Variants in DHPS observed in about 807,000 individuals in gnomAD.
DHPS encodes deoxyhypusine synthase.
A neutral mutation model predicts 38.7 loss-of-function variants in DHPS; 24 were observed. The observed-to-expected ratio is 0.62, with a 90% CI of 0.45 to 0.87. The LOEUF (loss-of-function observed/expected upper bound fraction) is 0.87. Ranked by LOEUF, DHPS falls within the 40% of genes least tolerant of loss-of-function variation. The probability of loss-of-function intolerance (pLI) is 0.00; values close to 1 mark genes in which losing one functional copy is unlikely to be tolerated. For missense variants in DHPS, 510 were observed against 497.6 expected (o/e 1.02, Z -0.24); for synonymous variants, 250 against 204.4 (o/e 1.22, Z -1.90).
chr19:12,679,963 C>T, intron 2 of DHPS, 41 bp from the exon 3 acceptor site: 2 of 1,591,492 alleles, frequency 1.3e-6, no homozygotes, highest in South Asian at 2.3e-5. Context: ...AGAAGGAAGC[C>T]CCTGCCCTCA....
chr19:12,676,125 G>A lies in DHPS; in HGVS notation c.906C>T (p.Tyr302=), dbSNP rs542424645. The change falls in exon 8 of 9, where the codon TAC becomes TAT. Residue 302 remains tyrosine (Y), a synonymous_variant. Coordinates refer to ENST00000210060, the MANE Select transcript of DHPS (RefSeq NM_001930.4). ...NANLMRNGAD[Y]AVYINTAQEF... Reference sequence around the variant, plus strand: ...CCTGGGCTGTGTTGATGTAAACAGCGTAGTCGGCCCCGTTCCGCTGTGGGG... The same window carrying A: ...CCTGGGCTGTGTTGATGTAAACAGCATAGTCGGCCCCGTTCCGCTGTGGGG... The A allele has an allele frequency of 1.0e-4, 162 of 1,612,518 alleles. 2 individuals carry two copies. The highest frequency in any genetic ancestry group is 6.2e-4 in the South Asian group (56 of 91,002).
Position 12,675,897 on chromosome 19 carries a change from C to A in DHPS, c.1051G>T (p.Val351Leu). The A allele has an allele frequency of 6.2e-7, 1 of 1,610,220 alleles. No individual in the cohort carries two copies. Among genetic ancestry groups the A allele is most frequent in the Non-Finnish European group, 8.5e-7 (1 of 1,178,128 alleles). The change falls in exon 9 of 9, where the codon GTG (valine) becomes TTG (leucine). Residue 351 changes from valine to leucine, a missense_variant. Val to Leu is a conservative substitution (Grantham distance 32, BLOSUM62 1). Coordinates refer to ENST00000210060, the MANE Select transcript of DHPS (RefSeq NM_001930.4). ...ATCTTCTGGGCAAAGGTTTCAGCCA[C>A]AAGCAGGGGGAAGACCAGGGAGGCG... The part of the protein sequence containing the change: ...ADASLVFPLL[V>L]AETFAQKMDA...
chr19:12,679,225 G>A (rs1218627237), intron 5 of DHPS, among the ~76,000 whole-genome samples: 1 of 152,034 alleles, frequency 6.6e-6, no homozygotes, highest in Admixed American at 6.6e-5. Context: ...TTGGCCCCAG[G>A]AGGTTGAGGC....
chr19:12,680,010 G>A (rs2024745747), intron 2 of DHPS, 88 bp from the exon 3 acceptor site: 6 of 1,561,344 alleles, frequency 3.8e-6, no homozygotes, highest in East Asian at 2.3e-5. Context: ...CTTGTCCAGT[G>A]ACTCTTATGA....
Position 12,679,937 on chromosome 19 carries a change from C to CAGTG in DHPS, c.373-19_373-16dup. On this transcript the variant is annotated splice_polypyrimidine_tract_variant and intron_variant, in intron 2 of 8. Coordinates refer to ENST00000210060, the MANE Select transcript of DHPS (RefSeq NM_001930.4). ...AATACGTCCACCTGCAGCCACAAGG[C>CAGTG]AGTGAATTTGGCCCAAGAAGGAAGC... 5 of 1,606,960 alleles carry CAGTG rather than the reference C, an allele frequency of 3.1e-6. No individual in the cohort carries two copies. Among genetic ancestry groups the CAGTG allele is most frequent in the Non-Finnish European group, 4.3e-6 (5 of 1,176,142 alleles).
downstream of DHPS, chr19:12,672,589 CAA>C (rs2024455336): frequency 2.0e-6 from 1 of 508,342 alleles, no homozygotes; most frequent in Non-Finnish European, 3.6e-6. Context: ...GCCTGAGCAA[CAA>C]GAGCAAAACT....
downstream of DHPS, chr19:12,673,107 T>C: frequency 6.2e-7 from 1 of 1,612,884 alleles, no homozygotes; most frequent in Non-Finnish European, 8.5e-7. Flanking sequence ...ACAGGGGAGC[T>C]GCTGGGCGAG....
chr19:12,675,200 G>C (rs772894896), downstream of DHPS, among the ~76,000 whole-genome samples: 1 of 152,192 alleles, frequency 6.6e-6, no homozygotes, highest in Non-Finnish European at 1.5e-5. Context: ...GCCAAGGCAG[G>C]AGGATCACTT....
downstream of DHPS, chr19:12,675,617 G>A (rs1170081176): frequency 6.2e-7 from 1 of 1,603,758 alleles, no homozygotes; most frequent in East Asian, 2.2e-5. Flanking sequence ...GCCATGGGAG[G>A]CAGCGTCCAG....
At chr19:12,679,351 G>T in intron 5 of DHPS, 106 bp downstream of exon 5, 1 of 1,085,320 alleles carries the variant, frequency 9.2e-7, no homozygotes, top group Non-Finnish European at 1.4e-6. Flanking sequence ...TCATCTAAGA[G>T]TGAGGATGCT....
chr19:12,677,431 CAG>C, intron 5 of DHPS, 35 bp from the exon 6 acceptor site: 1 of 1,574,602 alleles, frequency 6.4e-7, no homozygotes, highest in Non-Finnish European at 8.7e-7. Context: ...GGCTGGAGCT[CAG>C]AGCCTCGTCT....
rs1416537686 is a variant in DHPS at position 12,680,171 on chromosome 19, T to C, written c.362A>G (p.Gln121Arg). The change falls in exon 2 of 9, where the codon CAG becomes CGG. Residue 121 changes from glutamine to arginine, a missense_variant. Transcript: ENST00000210060. ...TCACCAGGTCCCCACCATGTTGTGC[T>C]GCACAAGGTAGCGAATGGTCTCACG... ...GIRETIRYLV[Q>R]HNMVDVLVTT... 6.2e-7 allele frequency: 1 copy of C among 1,614,188 alleles called. No individual in the cohort carries two copies. Among genetic ancestry groups the C allele is most frequent in the East Asian group, 2.2e-5 (1 of 44,892 alleles).
chr19:12,681,825 G>C lies in DHPS; in HGVS notation c.-59C>G. On this transcript the variant is annotated 5_prime_UTR_variant, in exon 1 of 9. Coordinates refer to ENST00000210060, the MANE Select transcript of DHPS (RefSeq NM_001930.4). ...CCTAGGCCGGGCTTACGGCGGCCCA[G>C]AAACGCGTTAAACCCCGACGCGCGC... 1 of 1,508,646 alleles carries C rather than the reference G, an allele frequency of 6.6e-7. No individual in the cohort carries two copies. The highest frequency in any genetic ancestry group is 1.4e-5 in the African/African-American group (1 of 72,944). 93.5% of individuals were successfully genotyped at this position (1,508,646 alleles called of 1,614,324 possible).
Position 12,675,810 on chromosome 19 carries a change from G to T in DHPS, c.*28C>A. On this transcript the variant is annotated 3_prime_UTR_variant, in exon 9 of 9. Coordinates refer to ENST00000210060, the MANE Select transcript of DHPS (RefSeq NM_001930.4). ...CTGCAAATTAATAAATAGAAGAGGG[G>T]GTAAGACCTTCCTGGGACCGCAGCC... 1 of 1,574,574 alleles carries T rather than the reference G, an allele frequency of 6.4e-7. No homozygotes were observed. Among genetic ancestry groups the T allele is most frequent in the South Asian group, 1.2e-5 (1 of 86,100 alleles).
At chr19:12,681,212 C>A in intron 1 of DHPS, 1 of 1,231,584 alleles carries the variant, frequency 8.1e-7, no homozygotes, top group Non-Finnish European at 1.0e-6. Context: ...AATCTAAATT[C>A]AAGAACCGCC....
intron 7 of DHPS, 30 bp from the exon 8 acceptor site, chr19:12,676,172 A>C (rs991628326): frequency 1.9e-6 from 3 of 1,566,330 alleles, no homozygotes; most frequent in Admixed American, 3.5e-5. Flanking sequence ...CGGTGGGCCC[A>C]GTCAGCCAGT....
downstream of DHPS, chr19:12,675,397 T>G (rs908212745): frequency 1.5e-4 from 207 of 1,338,694 alleles, no homozygotes; most frequent in Admixed American, 3.5e-4. Context: ...TAGAGGCAGG[T>G]GGCTGAAGGT....
At chr19:12,673,392 G>A (rs1200187237), downstream of DHPS, 2 of 825,170 alleles carry the variant, frequency 2.4e-6, no homozygotes, top group Non-Finnish European at 3.9e-6. Flanking sequence ...AGTCACTCCA[G>A]GGCCTGAAGG....
rs758100382 is a variant in DHPS at position 12,679,696 on chromosome 19, T to C, written c.518A>G (p.Asn173Ser). ...GTCCTCAAACTTGCAGTAATTCTCA[T>C]TGGGCACCAGCAGGTTTCCGATCCT... ...INRIGNLLVP[N>S]ENYCKFEDWL... Residue 173 changes from asparagine (N) to serine (S), a missense_variant, in exon 4 of 9, where the codon AAT becomes AGT. Asn to Ser is a conservative substitution (Grantham distance 46). Coordinates refer to ENST00000210060, the MANE Select transcript of DHPS (RefSeq NM_001930.4). 153 of 1,614,054 alleles carry C rather than the reference T, an allele frequency of 9.5e-5. No individual in the cohort carries two copies. The highest frequency in any genetic ancestry group is 1.1e-4 in the Non-Finnish European group (134 of 1,180,040).
Sources: gnomAD v4.1 joint callset for allele counts (sites outside exome capture counted in the v4.1 genomes callset) on GRCh38, gnomAD v4.1.1 for gene constraint, MANE v1.5 for transcripts, NCBI Gene and HGNC (gene_info 2026-07-23, HGNC 2026-07-21) for gene names.